METTL6: variants seen among roughly 807,000 people sequenced by gnomAD.
The protein encoded by METTL6 is tRNA N(3)-cytidine methyltransferase METTL6.
Under a neutral mutation model 26.4 loss-of-function variants are expected in METTL6, and 22 were observed. The observed-to-expected ratio is 0.83, with a 90% CI of 0.59 to 1.19. METTL6 has a LOEUF of 1.19. Ranked by LOEUF, METTL6 falls within the 50% of genes most tolerant of loss-of-function variation. The probability of loss-of-function intolerance (pLI) is 0.00; values close to 1 mark genes in which losing one functional copy is unlikely to be tolerated. For synonymous variants in METTL6, 109 were observed against 116.2 expected (o/e 0.94, Z 0.40); for missense variants, 304 against 324.8 (o/e 0.94, Z 0.49).
chr3:15,401,197 G>A (rs1002502698), intron 6 of METTL6, among the ~76,000 whole-genome samples: 1 of 151,980 alleles, frequency 6.6e-6, no homozygotes, highest in South Asian at 2.1e-4. Flanking sequence ...CCACCACCAC[G>A]CCTGGCTAAT....
At chr3:15,400,002 G>C (rs977487079) in intron 6 of METTL6, among the ~76,000 whole-genome samples, 1 of 152,150 alleles carries the variant, frequency 6.6e-6, no homozygotes, top group Non-Finnish European at 1.5e-5. Flanking sequence ...GATGCAAGCA[G>C]AGGCTTTCTC....
At chr3:15,400,164 C>G (rs1380795487) in intron 6 of METTL6, among the ~76,000 whole-genome samples, 1 of 152,068 alleles carries the variant, frequency 6.6e-6, no homozygotes, top group East Asian at 1.9e-4. Context: ...CATAAGGCAA[C>G]CTTTGTGGGC....
intron 5 of METTL6, 25 bp downstream of exon 5, chr3:15,413,996 A>G (rs1700080821): frequency 6.2e-7 from 1 of 1,613,728 alleles, no homozygotes. Flanking sequence ...TAAAACATTT[A>G]AAGACTGGAT....
At position 15,417,727 on chromosome 3, in the gene METTL6, G is replaced by T. The variant is rs189075825; in HGVS notation, c.361-1785C>A. Among the ~76,000 whole-genome samples, 222 of 152,244 alleles carry T rather than the reference G, an allele frequency of 1.5e-3. 1 individual carries two copies. The highest frequency in any genetic ancestry group is 6.8e-3 in the Middle Eastern group (2 of 294). ...GGTAGATAATAAAGATGACAATTAT[G>T]AGTGAGGAAAAAATTTCTCATTCAA... On this transcript the variant is annotated intron_variant, in intron 3 of 5. Transcript: ENST00000383790.
downstream of METTL6, among the ~76,000 whole-genome samples, chr3:15,406,623 TATATATAGAGAGAGAG>T (rs1340861089): frequency 7.5e-5 from 3 of 39,790 alleles, no homozygotes; most frequent in African/African-American, 2.5e-4. Flanking sequence ...TATATATATA[TATATATAGAGAGAGAG>T]AGAGAGAGAG....
intron 6 of METTL6, among the ~76,000 whole-genome samples, chr3:15,393,712 G>A (rs961783324): frequency 1.3e-5 from 2 of 152,288 alleles, no homozygotes; most frequent in East Asian, 3.9e-4. Context: ...ATGAAGGGCT[G>A]CTGAATTTTG....
Position 15,423,761 on chromosome 3 carries a change from T to C in METTL6, c.360+1194A>G, listed in dbSNP as rs143480563. On this transcript the variant is annotated intron_variant, in intron 3 of 5. Transcript: ENST00000383790. ...AGCTGGGCACGGTGGCACATGCCTG[T>C]AGTCCCAGCTACTTGGGAGACTGAG... is the stretch of plus-strand genomic sequence containing the variant. Among the ~76,000 whole-genome samples, 55 of 152,204 alleles carry C rather than the reference T, an allele frequency of 3.6e-4. 2 individuals carry two copies. In the East Asian group the frequency reaches 9.1e-3, roughly 25 times the overall value.
At chr3:15,416,258 T>C (rs575786765) in intron 3 of METTL6, among the ~76,000 whole-genome samples, 2 of 152,290 alleles carry the variant, frequency 1.3e-5, no homozygotes, top group Admixed American at 1.3e-4. Context: ...TGCTTCTTTT[T>C]GTTTTTTAAA....
Position 15,424,472 on chromosome 3 carries a change from GC to G in METTL6, c.360+482del, listed in dbSNP as rs549748958. 8.0e-3 allele frequency among the ~76,000 whole-genome samples: 1,216 copies of G among 152,256 alleles called. 4 individuals are homozygous for G. The highest frequency in any genetic ancestry group is 0.014 in the Non-Finnish European group (939 of 68,018). ...GGTAGAGACAAGGTTTCACCATGTT[GC>G]CCAGGCTGGTCTTGAACTACTGGGT... On this transcript the variant is annotated intron_variant, in intron 3 of 5. Transcript: ENST00000383790.
intron 3 of METTL6, among the ~76,000 whole-genome samples, chr3:15,423,387 C>T (rs1032478759): frequency 6.6e-5 from 10 of 152,082 alleles, no homozygotes; most frequent in Admixed American, 2.0e-4. Flanking sequence ...AGCGAGACTC[C>T]GTCTCAAAAA....
intron 6 of METTL6, among the ~76,000 whole-genome samples, chr3:15,396,140 C>G (rs1012876543): frequency 2.0e-5 from 3 of 152,184 alleles, no homozygotes; most frequent in Non-Finnish European, 2.9e-5. Context: ...ACCAATCAAA[C>G]GTAGATTTGG....
At chr3:15,400,089 T>C (rs1007534457) in intron 6 of METTL6, among the ~76,000 whole-genome samples, 1 of 152,072 alleles carries the variant, frequency 6.6e-6, no homozygotes. Flanking sequence ...GGTCGACACG[T>C]CCCAGATAGA....
At chr3:15,389,849 A>ATT (rs58728599) in intron 6 of METTL6, among the ~76,000 whole-genome samples, 9,827 of 132,874 alleles carry the variant, frequency 0.074, 461 homozygotes, top group African/African-American at 0.12. Context: ...CGCCCGGCCA[A>ATT]TTTTTTTTTT....
chr3:15,425,010 G>A lies in METTL6; in HGVS notation c.305C>T (p.Pro102Leu), dbSNP rs1461089883. ...ATCACAGGCATAGGCAAAGATATTC[G>A]GATCTTCTTCTAAAAGTGGGAATAA... ...NCLFPLLEED[P>L]NIFAYACDFS... The change falls in exon 3 of 6, where the codon CCG (proline) becomes CTG (leucine). Residue 102 changes from proline (P) to leucine (L), a missense_variant. Pro to Leu is a moderately conservative substitution (Grantham distance 98). Coordinates refer to ENST00000383790, the MANE Select transcript of METTL6 (RefSeq NM_152396.4). The A allele has an allele frequency of 1.2e-5, 20 of 1,613,942 alleles. No homozygotes were observed. The highest frequency in any genetic ancestry group is 1.2e-4 in the African/African-American group (9 of 74,904).
At chr3:15,392,477 C>T (rs2124906336) in intron 6 of METTL6, among the ~76,000 whole-genome samples, 1 of 152,244 alleles carries the variant, frequency 6.6e-6, no homozygotes, top group South Asian at 2.1e-4. Flanking sequence ...GTTTCTTTTG[C>T]TGTGCAGAAG....
At chr3:15,394,589 T>A (rs975968643) in intron 6 of METTL6, among the ~76,000 whole-genome samples, 1 of 152,246 alleles carries the variant, frequency 6.6e-6, no homozygotes, top group Admixed American at 6.5e-5. Context: ...ATTGTGACGT[T>A]AGGGTGTCAA....
At chr3:15,420,927 G>C (rs973900778) in intron 3 of METTL6, among the ~76,000 whole-genome samples, 1 of 152,184 alleles carries the variant, frequency 6.6e-6, no homozygotes, top group Non-Finnish European at 1.5e-5. Flanking sequence ...CTTTCAAATG[G>C]CAGCTTATTA....
intron 6 of METTL6, among the ~76,000 whole-genome samples, chr3:15,385,405 C>A (rs1699164665): frequency 6.6e-6 from 1 of 152,122 alleles, no homozygotes; most frequent in Admixed American, 6.6e-5. Context: ...TGAGACCAGC[C>A]TGGCCAACAT....
chr3:15,412,304 G>C (rs1394976800), intron 5 of METTL6, among the ~76,000 whole-genome samples: 1 of 152,086 alleles, frequency 6.6e-6, no homozygotes, highest in East Asian at 1.9e-4. Context: ...GAAACAAACA[G>C]AATAAATGGT....
Sources: gnomAD v4.1 joint callset for allele counts (sites outside exome capture counted in the v4.1 genomes callset) on GRCh38, gnomAD v4.1.1 for gene constraint, MANE v1.5 for transcripts, NCBI Gene and HGNC (gene_info 2026-07-23, HGNC 2026-07-21) for gene names.